ITGB2: variants seen among roughly 807,000 people sequenced by gnomAD.
The protein encoded by ITGB2 is integrin subunit beta 2.
ITGB2 carries 56 observed loss-of-function variants against 86.8 expected under a neutral mutation model. That is an observed-to-expected ratio of 0.65 (90% CI 0.52 to 0.81). The LOEUF (loss-of-function observed/expected upper bound fraction) is 0.81, where lower values mean the gene tolerates loss of function less well. Among genes scored for constraint, ITGB2 ranks in the 30% least tolerant of loss-of-function variants. The pLI is 0.00. For synonymous variants in ITGB2, 457 were observed against 450.4 expected (o/e 1.01, Z -0.19); for missense variants, 948 against 1,061.2 (o/e 0.89, Z 1.48).
intron 1 of ITGB2, among the ~76,000 whole-genome samples, chr21:44,926,388 T>A (rs1480042937): frequency 6.6e-6 from 1 of 152,250 alleles, no homozygotes; most frequent in Non-Finnish European, 1.5e-5. Flanking sequence ...CAGGTGTGGC[T>A]GCACGGAGTG....
At chr21:44,887,669 G>T (rs2083719200) in intron 14 of ITGB2, among the ~76,000 whole-genome samples, 1 of 152,120 alleles carries the variant, frequency 6.6e-6, no homozygotes, top group African/African-American at 2.4e-5. Context: ...TTTCCTGGGG[G>T]ACCTGCCTTC....
Position 44,917,609 on chromosome 21 carries a change from C to T in ITGB2, c.-4+3212G>A, listed in dbSNP as rs537270811. 1.4e-4 allele frequency among the ~76,000 whole-genome samples: 21 copies of T among 152,278 alleles called. No individual in the cohort carries two copies. In the East Asian group the frequency reaches 3.9e-3, roughly 28 times the overall value. On this transcript the variant is annotated intron_variant, in intron 1 of 15. Transcript: ENST00000652462. ...TTGCCACTGTCACTCACCCATTCAC[C>T]CATCCATGGGACAGGGGCTTGCCAG...
At chr21:44,889,878 C>T (rs1160230335) in intron 12 of ITGB2, 100 bp downstream of exon 12, 2 of 1,524,408 alleles carry the variant, frequency 1.3e-6, no homozygotes, top group Non-Finnish European at 1.8e-6. Context: ...CTCAGGATCC[C>T]CCCTTTCTGT....
intron 2 of ITGB2, 96 bp from the exon 3 acceptor site, chr21:44,910,468 G>C: frequency 6.3e-7 from 1 of 1,592,402 alleles, no homozygotes; most frequent in Non-Finnish European, 8.6e-7. Flanking sequence ...GGCCCAAAAA[G>C]ACAGGGAGGC....
chr21:44,921,634 G>GA (rs572190178), upstream of ITGB2, among the ~76,000 whole-genome samples: 12 of 151,682 alleles, frequency 7.9e-5, no homozygotes, highest in East Asian at 1.9e-4. Context: ...ATTATACCTA[G>GA]AAAAAAAACC....
In ITGB2 at chr21:44,889,364, G is replaced by A. The variant is rs756949097; in HGVS notation, c.1789C>T (p.Arg597Cys). 3.4e-5 allele frequency: 55 copies of A among 1,612,748 alleles called. No individual in the cohort carries two copies. The highest frequency in any genetic ancestry group is 4.1e-5 in the Non-Finnish European group (48 of 1,179,890). ...RVECSGRGRC[R>C]CNVCECHSGY... ...GAATGGCACTCGCATACGTTGCAGC[G>A]GCACCGGCCACGACCACTACACTCA... The change falls in exon 13 of 16, where the codon CGC (arginine) becomes TGC (cysteine). Residue 597 changes from arginine (R) to cysteine (C), a missense_variant. By Grantham distance (180) the Arg-to-Cys change is radical. Coordinates refer to ENST00000652462, the MANE Select transcript of ITGB2 (RefSeq NM_000211.5).
chr21:44,899,454 C>T (rs1455838706), intron 7 of ITGB2, among the ~76,000 whole-genome samples: 5 of 152,228 alleles, frequency 3.3e-5, no homozygotes, highest in African/African-American at 4.8e-5. Context: ...CTTCCCCACA[C>T]GGTGGACCTG....
chr21:44,908,270 AC>A lies in ITGB2; in HGVS notation c.148-1176del, dbSNP rs530706830. 548 of 572,572 alleles carry A rather than the reference AC, an allele frequency of 9.6e-4. 3 individuals carry two copies. Among genetic ancestry groups the A allele is most frequent in the African/African-American group, 8.5e-3 (448 of 52,774 alleles). The allele number at this position is 572,572 out of a possible 1,614,324, so 35.5% of individuals were successfully genotyped here. A position where few individuals can be genotyped will look rare whatever the true frequency, so the allele number is the denominator to read the frequency against. On this transcript the variant is annotated intron_variant, in intron 3 of 15. Coordinates refer to ENST00000652462, the MANE Select transcript of ITGB2 (RefSeq NM_000211.5). Reference sequence around the variant, plus strand: ...TCCTGCTGCCCTCCCCTTCTTCTCCACCCCCTCCCCTTCTCTAGTTTATAAG... The same window carrying A: ...TCCTGCTGCCCTCCCCTTCTTCTCCACCCCTCCCCTTCTCTAGTTTATAAG...
In ITGB2 at chr21:44,901,916, T is replaced by A. The variant is rs543348903; in HGVS notation, c.500-183A>T. 1.7e-5 allele frequency: 11 copies of A among 649,950 alleles called. No homozygotes were observed. The South Asian group carries it at 1.8e-4, about 10-fold the overall frequency. 40.3% of individuals were successfully genotyped at this position (649,950 alleles called of 1,614,324 possible). On this transcript the variant is annotated intron_variant, in intron 5 of 15. Coordinates refer to ENST00000652462, the MANE Select transcript of ITGB2 (RefSeq NM_000211.5). Reference sequence around the variant, plus strand: ...TTGTGCAAGCACACATGTGAACGTATGTGGGCGTGTGTGTGAACCTGGGAG... The same window carrying A: ...TTGTGCAAGCACACATGTGAACGTAAGTGGGCGTGTGTGTGAACCTGGGAG...
chr21:44,923,720 T>A (rs1444567055), upstream of ITGB2, among the ~76,000 whole-genome samples: 1 of 152,218 alleles, frequency 6.6e-6, no homozygotes, highest in Non-Finnish European at 1.5e-5. Context: ...GGTTGCACAG[T>A]ACTAAGTGTC....
chr21:44,919,414 A>G (rs2006272), intron 1 of ITGB2, among the ~76,000 whole-genome samples: 34,458 of 151,990 alleles, frequency 0.23, 4,061 homozygotes, highest in South Asian at 0.31. Flanking sequence ...GTTCCTTCCT[A>G]AAATGTGGAG....
intron 10 of ITGB2, among the ~76,000 whole-genome samples, chr21:44,892,349 G>A (rs2083798160): frequency 3.3e-5 from 5 of 151,252 alleles, no homozygotes; most frequent in Admixed American, 2.6e-4. Flanking sequence ...GCTGGGCGCC[G>A]CGGCTCACGC....
intron 9 of ITGB2, 56 bp downstream of exon 9, chr21:44,894,915 G>T: frequency 1.7e-6 from 2 of 1,186,950 alleles, no homozygotes; most frequent in Non-Finnish European, 2.5e-6. Flanking sequence ...CTGACCTGCA[G>T]TGGGGAGATT....
chr21:44,925,443 G>A (rs1429191269), upstream of ITGB2, among the ~76,000 whole-genome samples: 2 of 145,200 alleles, frequency 1.4e-5, no homozygotes, highest in African/African-American at 2.6e-5. Context: ...AAGGAAGGAA[G>A]GAAGGAAGGA....
chr21:44,897,077 T>C (rs924010412), intron 8 of ITGB2, among the ~76,000 whole-genome samples: 2 of 152,142 alleles, frequency 1.3e-5, no homozygotes, highest in Non-Finnish European at 2.9e-5. Context: ...CCTGACCAGC[T>C]CTGGGTGCCC....
Position 44,889,425 on chromosome 21 carries a change from C to T in ITGB2, c.1728G>A (p.Glu576=), listed in dbSNP as rs2083752308. 5 of 1,610,600 alleles carry T rather than the reference C, an allele frequency of 3.1e-6. No homozygotes were observed. Among genetic ancestry groups the T allele is most frequent in the African/African-American group, 1.3e-5 (1 of 74,838 alleles). Reference sequence around the variant, plus strand: ...GGTTCAGGCAGCCCTCAGTGGTCCTCTCGCACTGGCACGCTGAGCCCTCAA... The same window carrying T: ...GGTTCAGGCAGCCCTCAGTGGTCCTTTCGCACTGGCACGCTGAGCCCTCAA... ...PGFEGSACQC[E]RTTEGCLNPR... Residue 576 remains glutamate (E), a synonymous_variant, in exon 13 of 16, where the codon GAG becomes GAA. Coordinates refer to ENST00000652462, the MANE Select transcript of ITGB2 (RefSeq NM_000211.5).
intron 7 of ITGB2, 57 bp from the exon 8 acceptor site, chr21:44,899,219 A>G: frequency 3.1e-6 from 4 of 1,296,114 alleles, no homozygotes; most frequent in African/African-American, 1.5e-5. Context: ...GCTTCCAGGT[A>G]CCCGCCCCTG....
At chr21:44,899,201 A>C (rs747229332) in intron 7 of ITGB2, 39 bp from the exon 8 acceptor site, 18 of 1,485,308 alleles carry the variant, frequency 1.2e-5, no homozygotes, top group Non-Finnish European at 1.6e-5. Context: ...CCCCGAGTCC[A>C]GGACAAGGCT....
intron 2 of ITGB2, 158 bp downstream of exon 2, chr21:44,910,567 C>G: frequency 1.5e-6 from 2 of 1,376,582 alleles, no homozygotes; most frequent in Non-Finnish European, 2.0e-6. Flanking sequence ...CCTCCTGGCA[C>G]GTGCGGAGAC....
Sources: allele counts gnomAD v4.1 joint callset (sites outside exome capture counted in the v4.1 genomes callset), GRCh38; gene constraint gnomAD v4.1.1; transcripts MANE v1.5; gene names NCBI Gene and HGNC (gene_info 2026-07-23, HGNC 2026-07-21).